The following FLT1 variants were observed in gnomAD, a reference collection of about 807,000 sequenced individuals.
FLT1 encodes the protein fms related receptor tyrosine kinase 1.
FLT1 carries 49 observed loss-of-function variants against 156.3 expected under a neutral mutation model. That is an observed-to-expected ratio of 0.31 (90% CI 0.25 to 0.40). FLT1 has a LOEUF of 0.40. Among genes scored for constraint, FLT1 ranks in the 10% least tolerant of loss-of-function variants. FLT1 has a pLI of 1.00. For missense variants in FLT1, 1,322 were observed against 1,637.2 expected, an observed-to-expected ratio of 0.81 and a Z score of 3.32; for synonymous variants, 594 against 583.8, an observed-to-expected ratio of 1.02 and a Z score of -0.25.
intron 4 of FLT1, among the ~76,000 whole-genome samples, chr13:28,436,609 C>T (rs534048830): frequency 7.9e-5 from 12 of 152,260 alleles, no homozygotes; most frequent in Admixed American, 3.3e-4. Flanking sequence ...TGAAAGAGAA[C>T]GTTTCCCTCT....
rs148695719 is a variant in FLT1 at position 28,322,872 on chromosome 13, T to A, written c.2871A>T (p.Leu957=). The A allele has an allele frequency of 1.9e-6, 3 of 1,614,198 alleles. No homozygotes were observed. Among genetic ancestry groups the A allele is most frequent in the Non-Finnish European group, 2.5e-6 (3 of 1,180,018 alleles). ...PGLEQGKKPR[L]DSVTSSESFA... ...AGCTTTCGCTGCTGGTGACGCTATC[T>A]AGTCTTGGTTTCTTGCCTTGTTCCA... The change falls in exon 21 of 30, where the codon CTA becomes CTT. Residue 957 remains leucine, a synonymous_variant. Transcript: ENST00000282397. The surrounding 1 kb of genome is among the most constrained non-coding windows in gnomAD (Gnocchi z 4.3).
intron 17 of FLT1, among the ~76,000 whole-genome samples, chr13:28,338,019 AT>A (rs568481678): frequency 6.6e-6 from 1 of 152,016 alleles, no homozygotes; most frequent in Non-Finnish European, 1.5e-5. Flanking sequence ...AATGTAGTTG[AT>A]TTTTTCCTCC....
chr13:28,339,128 C>A (rs1267243914), intron 17 of FLT1, 40 bp downstream of exon 17: 13 of 1,593,180 alleles, frequency 8.2e-6, no homozygotes, highest in Non-Finnish European at 1.1e-5. Context: ...GTAATATGTG[C>A]TCAGTATAGG....
At chr13:28,361,897 TCA>T in intron 14 of FLT1, among the ~76,000 whole-genome samples, 1 of 152,272 alleles carries the variant, frequency 6.6e-6, no homozygotes, top group East Asian at 1.9e-4. Context: ...GGAAAGAGAA[TCA>T]CAAAGATTTT....
At chr13:28,405,621 T>C (rs190066878) in intron 11 of FLT1, among the ~76,000 whole-genome samples, 159 bp downstream of exon 11, 4 of 152,230 alleles carry the variant, frequency 2.6e-5, no homozygotes, top group Non-Finnish European at 5.9e-5. Flanking sequence ...GTAGTCTCTG[T>C]GTGTATCTCC....
At chr13:28,390,598 TG>T (rs1874652615) in intron 12 of FLT1, among the ~76,000 whole-genome samples, 1 of 152,156 alleles carries the variant, frequency 6.6e-6, no homozygotes, top group South Asian at 2.1e-4. Flanking sequence ...TATTTCACCA[TG>T]TTGGCCAGGC....
rs57608920 is a variant in FLT1 at position 28,372,566 on chromosome 13, GTATATATATATATATATATA to G, written c.2116+12299_2116+12318del. 3.3e-4 allele frequency among the ~76,000 whole-genome samples: 30 copies of G among 91,458 alleles called. 1 individual carries two copies. The highest frequency in any genetic ancestry group is 9.2e-4 in the East Asian group (2 of 2,182). The allele number at this position is 91,458 out of a possible 152,430, so 60.0% of individuals were successfully genotyped here. A position where few individuals can be genotyped will look rare whatever the true frequency, so the allele number is the denominator to read the frequency against. On this transcript the variant is annotated intron_variant, in intron 14 of 29. Coordinates refer to ENST00000282397, the MANE Select transcript of FLT1 (RefSeq NM_002019.4). ...CATATATTCCTCGTTTAAATAAAAT[GTATATATATATATATATATA>G]TATATATATATATATAGCTGGGTGC...
At chr13:28,467,256 G>A (rs1359076000) in intron 2 of FLT1, 127 bp from the exon 3 acceptor site, 6 of 787,806 alleles carry the variant, frequency 7.6e-6, no homozygotes, top group African/African-American at 3.4e-5. Flanking sequence ...TCCTCTTTAC[G>A]GGAAAGCAAC....
chr13:28,486,518 A>G (rs1881178404), intron 1 of FLT1, among the ~76,000 whole-genome samples: 1 of 152,258 alleles, frequency 6.6e-6, no homozygotes, highest in Non-Finnish European at 1.5e-5. Context: ...GGACAGGCCA[A>G]TAGTATGGTG....
At chr13:28,450,713 T>C (rs1878883158) in intron 3 of FLT1, among the ~76,000 whole-genome samples, 1 of 152,212 alleles carries the variant, frequency 6.6e-6, no homozygotes, top group South Asian at 2.1e-4. Flanking sequence ...ATTATAAAAC[T>C]GTCAAAGGAC....
chr13:28,328,679 C>T (rs949915265), intron 19 of FLT1, among the ~76,000 whole-genome samples: 3 of 152,218 alleles, frequency 2.0e-5, no homozygotes, highest in Non-Finnish European at 4.4e-5. Context: ...GCGGCAGATG[C>T]CGCAGAGTTC....
chr13:28,438,416 AG>A (rs1878154821), intron 3 of FLT1, 71 bp from the exon 4 acceptor site: 1 of 1,222,354 alleles, frequency 8.2e-7, no homozygotes. Context: ...CACTGTAGCT[AG>A]TGTGGTATGG....
At chr13:28,469,285 A>G (rs1269999071) in intron 1 of FLT1, among the ~76,000 whole-genome samples, 3 of 152,226 alleles carry the variant, frequency 2.0e-5, no homozygotes, top group African/African-American at 7.2e-5. Context: ...CTCTAAGTGA[A>G]TGGTCATGGA....
At chr13:28,437,936 T>G (rs1396082616) in intron 4 of FLT1, among the ~76,000 whole-genome samples, 1 of 152,234 alleles carries the variant, frequency 6.6e-6, no homozygotes, top group Non-Finnish European at 1.5e-5. Flanking sequence ...TTTCTCACAT[T>G]TGCACACAGT....
In FLT1 at chr13:28,432,682, C is replaced by T. The variant is rs61950243; in HGVS notation, c.813+1137G>A. Among the ~76,000 whole-genome samples, 1,405 of 152,286 alleles carry T rather than the reference C, an allele frequency of 9.2e-3. 10 individuals carry two copies. The highest frequency in any genetic ancestry group is 0.02 in the Middle Eastern group (6 of 294). On this transcript the variant is annotated intron_variant, in intron 6 of 29. Transcript: ENST00000282397. Reference sequence around the variant, plus strand: ...GTGGCACAGTACTGGAGCACAAATACGGGATATTTCCATCACAGAAAGTTC... The same window carrying T: ...GTGGCACAGTACTGGAGCACAAATATGGGATATTTCCATCACAGAAAGTTC...
intron 3 of FLT1, among the ~76,000 whole-genome samples, chr13:28,443,614 G>C (rs574692687): frequency 6.6e-6 from 1 of 152,282 alleles, no homozygotes; most frequent in Admixed American, 6.5e-5. Flanking sequence ...TTTTAAAGGA[G>C]GGTATGATTT....
chr13:28,480,409 T>C (rs1880769383), intron 1 of FLT1, among the ~76,000 whole-genome samples: 1 of 152,200 alleles, frequency 6.6e-6, no homozygotes, highest in Non-Finnish European at 1.5e-5. Context: ...TAATGATGCA[T>C]AAAAATAATT....
chr13:28,420,710 T>A (rs1876952823), intron 10 of FLT1, among the ~76,000 whole-genome samples: 1 of 152,212 alleles, frequency 6.6e-6, no homozygotes, highest in South Asian at 2.1e-4. Flanking sequence ...ACATTCATGT[T>A]GGCAGTCAAT....
At chr13:28,425,036 T>C (rs1364862636) in intron 10 of FLT1, among the ~76,000 whole-genome samples, 2 of 152,212 alleles carry the variant, frequency 1.3e-5, no homozygotes, top group Non-Finnish European at 2.9e-5. Context: ...TATTTTCTGG[T>C]GTACAAAGTT....
Sources: allele counts gnomAD v4.1 joint callset (sites outside exome capture counted in the v4.1 genomes callset), GRCh38; gene constraint gnomAD v4.1.1; non-coding constraint Gnocchi (gnomAD v3.1); transcripts MANE v1.5; gene names NCBI Gene and HGNC (gene_info 2026-07-23, HGNC 2026-07-21).